ARHGEF37: variants seen among roughly 807,000 people sequenced by gnomAD.
The protein encoded by ARHGEF37 is Rho guanine nucleotide exchange factor 37.
In ARHGEF37, 55 loss-of-function variants were observed where a neutral mutation model predicts 71.1. The ratio of observed to expected loss-of-function variants is 0.77; its 90% CI spans 0.62 to 0.97. The LOEUF (loss-of-function observed/expected upper bound fraction) is 0.97. Ranked by LOEUF, ARHGEF37 falls within the 50% of genes least tolerant of loss-of-function variation. The pLI is 0.00. For synonymous variants in ARHGEF37, 327 were observed against 350.6 expected, an observed-to-expected ratio of 0.93 and a Z score of 0.75; for missense variants, 765 against 836.8, an observed-to-expected ratio of 0.91 and a Z score of 1.06.
intron 1 of ARHGEF37, among the ~76,000 whole-genome samples, chr5:149,564,964 A>G (rs955684239): frequency 6.6e-6 from 1 of 152,230 alleles, no homozygotes; most frequent in African/African-American, 2.4e-5. Flanking sequence ...AGTAATTGTT[A>G]TTCTAGCCAG....
chr5:149,632,497 T>G lies in ARHGEF37; in HGVS notation c.*306T>G. ...ATTGGCCAGGACTCTCCATAGGTTA[T>G]GGCCAGTCTTAGCTGTGCCTGCATC... On this transcript the variant is annotated 3_prime_UTR_variant, in exon 13 of 13. Coordinates refer to ENST00000333677, the MANE Select transcript of ARHGEF37 (RefSeq NM_001001669.3). The G allele has an allele frequency of 2.8e-6, 1 of 360,974 alleles. No homozygotes were observed. The highest frequency in any genetic ancestry group is 5.2e-5 in the East Asian group (1 of 19,084). The allele number at this position is 360,974 out of a possible 1,614,324, so 22.4% of individuals were successfully genotyped here.
chr5:149,596,498 T>G (rs1257368377), intron 1 of ARHGEF37, among the ~76,000 whole-genome samples: 1 of 152,016 alleles, frequency 6.6e-6, no homozygotes, highest in South Asian at 2.1e-4. Context: ...AGAAATGCGG[T>G]TTTACCATGT....
chr5:149,583,563 C>T (rs1043608023), intron 1 of ARHGEF37, among the ~76,000 whole-genome samples: 35 of 152,198 alleles, frequency 2.3e-4, no homozygotes, highest in Non-Finnish European at 4.1e-4. Flanking sequence ...GCAGTTGGCT[C>T]ACATCCCTCT....
intron 1 of ARHGEF37, among the ~76,000 whole-genome samples, chr5:149,571,524 T>C (rs1390548813): frequency 6.6e-6 from 1 of 152,156 alleles, no homozygotes; most frequent in Non-Finnish European, 1.5e-5. Context: ...CGTTTATGGA[T>C]TGGAAGACTC....
chr5:149,591,623 C>T (rs1026357859), intron 1 of ARHGEF37, among the ~76,000 whole-genome samples: 4 of 152,176 alleles, frequency 2.6e-5, no homozygotes, highest in African/African-American at 9.7e-5. Context: ...TATAGACAGT[C>T]GCCGACTTAT....
intron 1 of ARHGEF37, among the ~76,000 whole-genome samples, chr5:149,561,850 G>A: frequency 6.6e-6 from 1 of 152,200 alleles, no homozygotes; most frequent in East Asian, 1.9e-4. Flanking sequence ...GAATTTTATA[G>A]TATTTTGGAG....
intron 1 of ARHGEF37, among the ~76,000 whole-genome samples, chr5:149,554,119 G>A (rs957904894): frequency 2.0e-5 from 3 of 152,176 alleles, no homozygotes; most frequent in Non-Finnish European, 2.9e-5. Context: ...AGTGAGCCGA[G>A]ATTGTGCCAC....
At chr5:149,575,358 T>C (rs1178927636) in intron 1 of ARHGEF37, among the ~76,000 whole-genome samples, 1 of 152,240 alleles carries the variant, frequency 6.6e-6, no homozygotes, top group Admixed American at 6.5e-5. Flanking sequence ...CAGACACCGT[T>C]GGCTGCCTAC....
At chr5:149,622,195 G>GGTTCCCACTGCCTCTTCCTA in intron 9 of ARHGEF37, 133 bp downstream of exon 9, 1 of 852,886 alleles carries the variant, frequency 1.2e-6, no homozygotes, top group Non-Finnish European at 1.8e-6. Context: ...CCCTTAGGAA[G>GGTTCCCACTGCCTCTTCCTA]AGGCAGTGGG....
At chr5:149,579,810 G>A (rs929296427), upstream of ARHGEF37, among the ~76,000 whole-genome samples, 2 of 151,870 alleles carry the variant, frequency 1.3e-5, no homozygotes, top group African/African-American at 2.4e-5. Context: ...TCGAACTCCT[G>A]ACCTCAAGTG....
chr5:149,610,045 G>C (rs1764033214), intron 4 of ARHGEF37, among the ~76,000 whole-genome samples: 2 of 152,214 alleles, frequency 1.3e-5, no homozygotes, highest in Non-Finnish European at 2.9e-5. Context: ...TCTAATGCTG[G>C]CAATTGAATG....
intron 1 of ARHGEF37, among the ~76,000 whole-genome samples, chr5:149,573,811 C>T (rs1433921237): frequency 7.2e-5 from 11 of 151,992 alleles, no homozygotes; most frequent in Non-Finnish European, 1.3e-4. Flanking sequence ...TTAAAATTTA[C>T]AATATATCAT....
At chr5:149,566,716 A>C (rs1303212043) in intron 1 of ARHGEF37, among the ~76,000 whole-genome samples, 1 of 152,178 alleles carries the variant, frequency 6.6e-6, no homozygotes. Context: ...CTGTCCTTCC[A>C]GTGTGTGACA....
intron 1 of ARHGEF37, among the ~76,000 whole-genome samples, chr5:149,596,718 A>T (rs953803974): frequency 4.6e-5 from 7 of 152,170 alleles, no homozygotes; most frequent in Admixed American, 4.6e-4. Flanking sequence ...AGAGAAGTGA[A>T]TGCTGGGGGA....
At chr5:149,569,659 C>T (rs902280461) in intron 1 of ARHGEF37, among the ~76,000 whole-genome samples, 6 of 151,690 alleles carry the variant, frequency 4.0e-5, no homozygotes, top group Non-Finnish European at 8.8e-5. Context: ...CTCTGTCACC[C>T]GGGCTGGAGT....
Position 149,609,616 on chromosome 5 carries a change from C to G in ARHGEF37, c.379C>G (p.Gln127Glu). 1 of 1,613,742 alleles carries G rather than the reference C, an allele frequency of 6.2e-7. No individual in the cohort carries two copies. Among genetic ancestry groups the G allele is most frequent in the Non-Finnish European group, 8.5e-7 (1 of 1,180,040 alleles). ...VYKVYCASYD[Q>E]ALLLVDTYRK... ...TAAGGTCTACTGTGCCAGCTACGAC[C>G]AGGCCTTGCTACTGGTGGACACGTA... The change falls in exon 4 of 13, where the codon CAG (glutamine) becomes GAG (glutamate). Residue 127 changes from glutamine to glutamate, a missense_variant. By Grantham distance (29) the Gln-to-Glu change is conservative. This residue lies in a region of ARHGEF37 where 201 missense variants were observed against 217.5 expected (regional missense o/e 0.92). Transcript: ENST00000333677.
chr5:149,624,671 A>G (rs1425641999), intron 10 of ARHGEF37, among the ~76,000 whole-genome samples: 1 of 152,086 alleles, frequency 6.6e-6, no homozygotes, highest in Non-Finnish European at 1.5e-5. Flanking sequence ...TGGGAGGCTG[A>G]GGCAGAAGAA....
intron 2 of ARHGEF37, among the ~76,000 whole-genome samples, chr5:149,598,487 C>T (rs1763641356): frequency 6.7e-6 from 1 of 150,246 alleles, no homozygotes; most frequent in Admixed American, 6.7e-5. Flanking sequence ...TCTTCTTCTT[C>T]TTCCTCCTCT....
In ARHGEF37 at chr5:149,615,972, C is replaced by T. The variant is rs190061306; in HGVS notation, c.459-595C>T. ...TATTAAATAAGATATCATGTGGATACACAACACAGAGTTGAGCTGCGCTCG... is the reference window on the plus strand; with the variant it reads ...TATTAAATAAGATATCATGTGGATATACAACACAGAGTTGAGCTGCGCTCG... On this transcript the variant is annotated intron_variant, in intron 4 of 12. Transcript: ENST00000333677. Among the ~76,000 whole-genome samples the T allele has an allele frequency of 5.0e-4, 76 of 152,216 alleles. No individual in the cohort carries two copies. In the East Asian group the frequency reaches 0.014, roughly 28 times the overall value.
Sources: allele counts gnomAD v4.1 joint callset (sites outside exome capture counted in the v4.1 genomes callset), GRCh38; gene constraint gnomAD v4.1.1; regional missense constraint gnomAD v4.1.1; transcripts MANE v1.5; gene names NCBI Gene and HGNC (gene_info 2026-07-23, HGNC 2026-07-21).